The following OSBPL5 variants were observed in gnomAD, a reference collection of about 807,000 sequenced individuals.
OSBPL5 encodes the protein oxysterol-binding protein-related protein 5.
In OSBPL5, 71 loss-of-function variants were observed where a neutral mutation model predicts 111.2. The observed-to-expected ratio is 0.64, with a 90% CI of 0.53 to 0.78. OSBPL5 has a LOEUF of 0.78. Among genes scored for constraint, OSBPL5 ranks in the 30% least tolerant of loss-of-function variants. The pLI is 0.00. For missense variants in OSBPL5, 1,210 were observed against 1,189.3 expected (o/e 1.02, Z -0.26); for synonymous variants, 549 against 513.9 (o/e 1.07, Z -0.93).
At chr11:3,149,687 C>A (rs929865499) in intron 1 of OSBPL5, among the ~76,000 whole-genome samples, 7 of 152,198 alleles carry the variant, frequency 4.6e-5, no homozygotes, top group Admixed American at 2.6e-4. Flanking sequence ...CAGCACACAG[C>A]GGTGCTCCCC....
rs1171673069 is a variant in OSBPL5, at chr11:3,104,620, C to T, written c.1060-243G>A. Reference sequence around the variant, plus strand: ...AGGTCCAGGCCCGCTCCTGTCTCTGCTCCTTGCCCAGGGACCCCATGCCCT... The same window carrying T: ...AGGTCCAGGCCCGCTCCTGTCTCTGTTCCTTGCCCAGGGACCCCATGCCCT... On this transcript the variant is annotated intron_variant, in intron 9 of 21. Transcript: ENST00000263650. This position sits in a 1 kb window ranked among gnomAD's most constrained non-coding sequence, Gnocchi z 5.0. 6.6e-6 allele frequency among the ~76,000 whole-genome samples: 1 copy of T among 152,172 alleles called. No individual in the cohort carries two copies. The highest frequency in any genetic ancestry group is 1.5e-5 in the Non-Finnish European group (1 of 68,014).
At chr11:3,091,846 G>A (rs565811020) in intron 19 of OSBPL5, among the ~76,000 whole-genome samples, 4 of 152,276 alleles carry the variant, frequency 2.6e-5, no homozygotes, top group Admixed American at 6.5e-5. Flanking sequence ...CATCCTGTCC[G>A]CTGCGGGTGA....
At position 3,121,983 on chromosome 11, in the gene OSBPL5, C is replaced by T. The variant is rs376715187; in HGVS notation, c.402+14G>A. 5.3e-4 allele frequency: 829 copies of T among 1,549,554 alleles called. No individual in the cohort carries two copies. Among genetic ancestry groups the T allele is most frequent in the Non-Finnish European group, 6.8e-4 (783 of 1,151,414 alleles). ...ACCCGTGTCCTGGGTGGCCGGAGGC[C>T]GGGCATCACCTACCTTCAGGCTGTC... On this transcript the variant is annotated intron_variant, in intron 5 of 21. Transcript: ENST00000263650. This position sits in a 1 kb window ranked among gnomAD's most constrained non-coding sequence, Gnocchi z 4.3.
At chr11:3,151,729 G>T (rs1366659977) in intron 1 of OSBPL5, among the ~76,000 whole-genome samples, 1 of 152,266 alleles carries the variant, frequency 6.6e-6, no homozygotes, top group Non-Finnish European at 1.5e-5. Flanking sequence ...AATGGTCCAT[G>T]ACTCGGCAGA....
intron 14 of OSBPL5, among the ~76,000 whole-genome samples, chr11:3,095,975 C>T (rs1041785284): frequency 2.6e-5 from 4 of 151,736 alleles, no homozygotes; most frequent in African/African-American, 7.3e-5. Flanking sequence ...CTGTGCTGAA[C>T]GTGATCAGGC....
intron 1 of OSBPL5, among the ~76,000 whole-genome samples, chr11:3,151,409 T>C (rs1846581238): frequency 6.6e-6 from 1 of 152,170 alleles, no homozygotes; most frequent in Admixed American, 6.5e-5. Flanking sequence ...TCAGCCCCTC[T>C]GCCACCAGCA....
At chr11:3,155,170 G>A (rs1158190036) in intron 1 of OSBPL5, among the ~76,000 whole-genome samples, 1 of 152,216 alleles carries the variant, frequency 6.6e-6, no homozygotes, top group Non-Finnish European at 1.5e-5. Flanking sequence ...CAACGTCTGG[G>A]CTGCTTAGTG....
In OSBPL5 at chr11:3,103,267, T is replaced by A; in HGVS notation, c.1298A>T (p.Tyr433Phe). The A allele has an allele frequency of 6.2e-7, 1 of 1,607,720 alleles. No homozygotes were observed. The highest frequency in any genetic ancestry group is 8.5e-7 in the Non-Finnish European group (1 of 1,177,128). The change falls in exon 11 of 22, where the codon TAC (tyrosine) becomes TTC (phenylalanine). Residue 433 changes from tyrosine to phenylalanine, a missense_variant. Physicochemically the swap from Tyr to Phe is conservative, Grantham distance 22. Transcript: ENST00000263650. ...YSRMKLVLRW[Y>F]LSGFYKKPKG... is the part of the protein sequence containing the mutation. Reference sequence around the variant, plus strand: ...GGGCTTCTTGTAGAAGCCAGACAGGTACCACCGCAGCACCAGCTTCATGCG... The same window carrying A: ...GGGCTTCTTGTAGAAGCCAGACAGGAACCACCGCAGCACCAGCTTCATGCG...
At chr11:3,103,449 C>G (rs891467207) in intron 10 of OSBPL5, 129 bp from the exon 11 acceptor site, 2 of 745,880 alleles carry the variant, frequency 2.7e-6, no homozygotes, top group African/African-American at 3.6e-5. Flanking sequence ...TTGGCCCAGG[C>G]GCTCTGGTCA....
In OSBPL5 at chr11:3,146,190, C is replaced by T. The variant is rs960683897; in HGVS notation, c.-21-17021G>A. 1.4e-4 allele frequency: 21 copies of T among 152,356 alleles called. No individual in the cohort carries two copies. Among genetic ancestry groups the T allele is most frequent in the African/African-American group, 4.8e-4 (20 of 41,552 alleles). 9.4% of individuals were successfully genotyped at this position (152,356 alleles called of 1,614,324 possible). ...CCGCGGCCCCGTCGGAGCTCTCAGA[C>T]CAGGGCGGGCAGACCAGCGAGACAG... On this transcript the variant is annotated intron_variant, in intron 1 of 21. Transcript: ENST00000263650. This position sits in a 1 kb window ranked among gnomAD's most constrained non-coding sequence, Gnocchi z 7.8.
chr11:3,114,591 ATT>A (rs59645003), intron 7 of OSBPL5, among the ~76,000 whole-genome samples: 2 of 113,904 alleles, frequency 1.8e-5, no homozygotes, highest in Admixed American at 1.0e-4. Context: ...TAGAACAATG[ATT>A]TTTTTTTTTT....
At position 3,123,149 on chromosome 11, in the gene OSBPL5, C is replaced by T. The variant is rs761221486; in HGVS notation, c.220-721G>A. ...TGTGGCTGACTGCACGGGCCCAGGGCGGCAGTCCCAATATCTTGGAGGCAG... is the reference window on the plus strand; with the variant it reads ...TGTGGCTGACTGCACGGGCCCAGGGTGGCAGTCCCAATATCTTGGAGGCAG... On this transcript the variant is annotated intron_variant, in intron 3 of 21. Transcript: ENST00000263650. 4.6e-5 allele frequency among the ~76,000 whole-genome samples: 7 copies of T among 152,168 alleles called. 1 individual carries two copies. The highest frequency in any genetic ancestry group is 1.3e-4 in the Admixed American group (2 of 15,286).
rs147826009 is a variant in OSBPL5, at chr11:3,107,566, G to C, written c.867-111C>G. ...CACTTCACATACGTTCCTGCCTGTCGTCACCTCCACAACCCACATTTGACA... is the reference window on the plus strand; with the variant it reads ...CACTTCACATACGTTCCTGCCTGTCCTCACCTCCACAACCCACATTTGACA... On this transcript the variant is annotated intron_variant, in intron 8 of 21. Coordinates refer to ENST00000263650, the MANE Select transcript of OSBPL5 (RefSeq NM_020896.4). The surrounding 1 kb of genome is among the most constrained non-coding windows in gnomAD (Gnocchi z 6.1). 6.3e-4 allele frequency: 874 copies of C among 1,396,874 alleles called. 2 individuals carry two copies. The highest frequency in any genetic ancestry group is 8.1e-4 in the Non-Finnish European group (819 of 1,007,970). The allele number at this position is 1,396,874 out of a possible 1,614,324, so 86.5% of individuals were successfully genotyped here.
chr11:3,122,150 C>A, intron 4 of OSBPL5, 52 bp from the exon 5 acceptor site: 2 of 1,506,044 alleles, frequency 1.3e-6, no homozygotes, highest in Non-Finnish European at 1.8e-6. Flanking sequence ...CGAGCTGCCC[C>A]AGCTCCTCCC....
Position 3,092,499 on chromosome 11 carries a change from C to T in OSBPL5, c.2192G>A (p.Arg731Gln), listed in dbSNP as rs768514846. The change falls in exon 19 of 22, where the codon CGG (arginine) becomes CAG (glutamine). Residue 731 changes from arginine (R) to glutamine (Q), a missense_variant. By Grantham distance (43) the Arg-to-Gln change is conservative. Coordinates refer to ENST00000263650, the MANE Select transcript of OSBPL5 (RefSeq NM_020896.4). The surrounding 1 kb of genome is among the most constrained non-coding windows in gnomAD (Gnocchi z 5.4). ...GGCCACGGCCTCCTGCTGCAAGGTC[C>T]GCAGGATCCCGTCTTGCTCAAACTG... is the stretch of plus-strand genomic sequence containing the variant. Reference protein sequence around the residue: ...IAQFEQDGILRTLQQEAVARQ... With the variant: ...IAQFEQDGILQTLQQEAVARQ... The T allele has an allele frequency of 2.5e-5, 40 of 1,578,922 alleles. No individual in the cohort carries two copies. Among genetic ancestry groups the T allele is most frequent in the Non-Finnish European group, 3.2e-5 (37 of 1,162,856 alleles).
At chr11:3,095,570 C>T (rs1217140561) in intron 14 of OSBPL5, among the ~76,000 whole-genome samples, 1 of 152,114 alleles carries the variant, frequency 6.6e-6, no homozygotes, top group Admixed American at 6.5e-5. Context: ...GGGGCAATTT[C>T]AATATCAATA....
At chr11:3,112,894 T>C (rs1044558659) in intron 7 of OSBPL5, among the ~76,000 whole-genome samples, 10 of 152,240 alleles carry the variant, frequency 6.6e-5, no homozygotes, top group African/African-American at 2.4e-4. Flanking sequence ...TTTAAGGCTA[T>C]TTAGCTGACA....
chr11:3,145,188 C>A (rs1475724346), intron 1 of OSBPL5, among the ~76,000 whole-genome samples: 1 of 152,230 alleles, frequency 6.6e-6, no homozygotes, highest in Non-Finnish European at 1.5e-5. Flanking sequence ...AGCCCATCAA[C>A]TTGCCCCACT....
Position 3,104,195 on chromosome 11 carries a change from G to A in OSBPL5, c.1242C>T (p.Ser414=), listed in dbSNP as rs758001317. 1.2e-6 allele frequency: 2 copies of A among 1,603,464 alleles called. No individual in the cohort carries two copies. The highest frequency in any genetic ancestry group is 1.1e-5 in the South Asian group (1 of 90,740). The part of the protein sequence containing the change: ...SDYYYHADLL[S]RAAVEEDAYS... ...GCCCCTCCCGGCATGGCGCGCACCT[G>A]GAGAGCAGGTCTGCGTGGTAGTAGT... Residue 414 remains serine (S), a splice_region_variant and synonymous_variant, in exon 10 of 22, where the codon TCC becomes TCT. Transcript: ENST00000263650. The surrounding 1 kb of genome is among the most constrained non-coding windows in gnomAD (Gnocchi z 5.0).
Sources: allele counts gnomAD v4.1 joint callset (sites outside exome capture counted in the v4.1 genomes callset), GRCh38; gene constraint gnomAD v4.1.1; non-coding constraint Gnocchi (gnomAD v3.1); transcripts MANE v1.5; gene names NCBI Gene and HGNC (gene_info 2026-07-23, HGNC 2026-07-21).